Variants in ARHGAP12 observed in about 807,000 individuals in gnomAD.
The protein encoded by ARHGAP12 is rho GTPase-activating protein 12.
In ARHGAP12, 64 loss-of-function variants were observed where a neutral mutation model predicts 108.6. That is an observed-to-expected ratio of 0.59 (90% confidence interval 0.48 to 0.73). The LOEUF (loss-of-function observed/expected upper bound fraction) is 0.73. ARHGAP12 is among the 30% of genes least tolerant of loss of function. The probability of loss-of-function intolerance (pLI) is 0.00; values close to 1 mark genes in which losing one functional copy is unlikely to be tolerated. For missense variants in ARHGAP12, 940 were observed against 1,005.9 expected (o/e 0.93, Z 0.89); for synonymous variants, 312 against 337.2 (o/e 0.93, Z 0.82).
chr10:31,855,270 C>T (rs1419484522), intron 4 of ARHGAP12, among the ~76,000 whole-genome samples: 1 of 152,084 alleles, frequency 6.6e-6, no homozygotes, highest in Non-Finnish European at 1.5e-5. Flanking sequence ...ACAAGAGGCA[C>T]CATAATATGA....
intron 1 of ARHGAP12, among the ~76,000 whole-genome samples, chr10:31,923,723 T>C (rs936444974): frequency 5.9e-5 from 9 of 152,204 alleles, no homozygotes; most frequent in South Asian, 4.2e-4. Flanking sequence ...TTCTAGAAAA[T>C]TGATTTCCTA....
chr10:31,839,780 T>C (rs1400602220), intron 7 of ARHGAP12, 69 bp from the exon 8 acceptor site: 5 of 1,279,732 alleles, frequency 3.9e-6, no homozygotes, highest in Middle Eastern at 2.7e-4. Flanking sequence ...CTACTCACAG[T>C]GGGAGAGCTT....
intron 1 of ARHGAP12, among the ~76,000 whole-genome samples, chr10:31,914,936 A>T (rs975562627): frequency 6.6e-6 from 1 of 152,222 alleles, no homozygotes; most frequent in Non-Finnish European, 1.5e-5. Context: ...ACATACACAC[A>T]ACAGGATACT....
At chr10:31,815,480 T>A in intron 13 of ARHGAP12, among the ~76,000 whole-genome samples, 2 of 152,110 alleles carry the variant, frequency 1.3e-5, no homozygotes, top group African/African-American at 4.8e-5. Flanking sequence ...TGAATATGAC[T>A]TTTTAAAGAC....
In ARHGAP12 at chr10:31,898,278, G is replaced by A. The variant is rs952937160; in HGVS notation, c.684+9894C>T. Reference sequence around the variant, plus strand: ...GAATTTGAATAAATATGTCTCCAAGGAAAATATATAAATAGCAAATGAACA... The same window carrying A: ...GAATTTGAATAAATATGTCTCCAAGAAAAATATATAAATAGCAAATGAACA... On this transcript the variant is annotated intron_variant, in intron 3 of 19. Transcript: ENST00000344936. Among the ~76,000 whole-genome samples, 45 of 152,182 alleles carry A rather than the reference G, an allele frequency of 3.0e-4. 1 individual carries two copies. The highest frequency in any genetic ancestry group is 3.4e-3 in the Middle Eastern group (1 of 294).
intron 15 of ARHGAP12, 22 bp downstream of exon 15, chr10:31,812,685 C>A (rs372696108): frequency 3.5e-6 from 5 of 1,443,186 alleles, no homozygotes; most frequent in Non-Finnish European, 4.8e-6. Flanking sequence ...TCATTATTAT[C>A]AACAATACTT....
At chr10:31,904,515 C>T (rs1481059487) in intron 3 of ARHGAP12, among the ~76,000 whole-genome samples, 2 of 152,182 alleles carry the variant, frequency 1.3e-5, no homozygotes, top group African/African-American at 2.4e-5. Context: ...GATGGAAATG[C>T]TCAGCATATT....
intron 1 of ARHGAP12, among the ~76,000 whole-genome samples, chr10:31,922,382 A>G (rs1370308696): frequency 6.6e-6 from 1 of 151,382 alleles, no homozygotes; most frequent in Admixed American, 6.6e-5. Flanking sequence ...CAAACTCAAC[A>G]ATCCACATGA....
chr10:31,842,327 T>C (rs1414956819), intron 7 of ARHGAP12, among the ~76,000 whole-genome samples: 3 of 152,056 alleles, frequency 2.0e-5, no homozygotes, highest in Admixed American at 1.3e-4. Context: ...TAGAAATCTC[T>C]AGGTATTTTT....
intron 5 of ARHGAP12, among the ~76,000 whole-genome samples, chr10:31,853,305 T>C (rs1448776443): frequency 6.6e-6 from 1 of 152,196 alleles, no homozygotes; most frequent in Non-Finnish European, 1.5e-5. Context: ...TAAAGGCTCA[T>C]TTCATGCAAA....
intron 9 of ARHGAP12, among the ~76,000 whole-genome samples, chr10:31,837,382 G>A (rs1836068653): frequency 6.6e-6 from 1 of 152,190 alleles, no homozygotes; most frequent in African/African-American, 2.4e-5. Flanking sequence ...CAAAAGATAA[G>A]TAGATGCATG....
chr10:31,911,512 C>T (rs1394349097), intron 1 of ARHGAP12, among the ~76,000 whole-genome samples: 1 of 152,086 alleles, frequency 6.6e-6, no homozygotes, highest in African/African-American at 2.4e-5. Flanking sequence ...TGAGGTTCCA[C>T]CATGTTGCCC....
intron 3 of ARHGAP12, among the ~76,000 whole-genome samples, chr10:31,907,065 G>A (rs1333739275): frequency 5.3e-5 from 8 of 151,982 alleles, no homozygotes; most frequent in Non-Finnish European, 7.4e-5. Context: ...ATTCCAAAAT[G>A]TCACAAGAAA....
At chr10:31,861,111 G>A (rs967190142) in intron 4 of ARHGAP12, among the ~76,000 whole-genome samples, 1 of 152,152 alleles carries the variant, frequency 6.6e-6, no homozygotes, top group Non-Finnish European at 1.5e-5. Context: ...AGTAACAACT[G>A]AAATAGTATG....
Position 31,907,028 on chromosome 10 carries a change from C to T in ARHGAP12, c.684+1144G>A, listed in dbSNP as rs560158331. Among the ~76,000 whole-genome samples the T allele has an allele frequency of 2.0e-5, 3 of 152,270 alleles. No homozygotes were observed. The South Asian group carries it at 6.2e-4, about 32-fold the overall frequency. On this transcript the variant is annotated intron_variant, in intron 3 of 19. Transcript: ENST00000344936. ...TTGATCTCAAACACTAGAAGTTTTTCTAAAGTCTTCCCTTTTTCCTATTTC... is the reference window on the plus strand; with the variant it reads ...TTGATCTCAAACACTAGAAGTTTTTTTAAAGTCTTCCCTTTTTCCTATTTC...
chr10:31,837,336 T>C (rs933388595), intron 9 of ARHGAP12, among the ~76,000 whole-genome samples: 1 of 152,228 alleles, frequency 6.6e-6, no homozygotes, highest in Admixed American at 6.5e-5. Context: ...TTTATCGTTA[T>C]GTAATGTTTA....
intron 12 of ARHGAP12, among the ~76,000 whole-genome samples, chr10:31,818,253 A>G (rs1835281349): frequency 6.6e-6 from 1 of 152,220 alleles, no homozygotes; most frequent in South Asian, 2.1e-4. Context: ...AATAAAATCT[A>G]TGACATTTTT....
intron 3 of ARHGAP12, among the ~76,000 whole-genome samples, chr10:31,898,233 G>A (rs143566479): frequency 1.1e-4 from 16 of 152,116 alleles, no homozygotes; most frequent in Middle Eastern, 3.4e-3. Flanking sequence ...ATAAGGCAAC[G>A]CAACTTAAAA....
rs1477118666 is a variant in ARHGAP12, at chr10:31,908,802, C to T, written c.54G>A (p.Glu18=). 3 of 1,608,476 alleles carry T rather than the reference C, an allele frequency of 1.9e-6. No homozygotes were observed. The highest frequency in any genetic ancestry group is 1.1e-5 in the South Asian group (1 of 90,980). The change falls in exon 3 of 20, where the codon GAG becomes GAA. Residue 18 remains glutamate (E), a synonymous_variant. Transcript: ENST00000344936. ...CTTCATATTCATAATCATATTCCAC[C>T]TCAATATACACTTGTCCTGGAATAA... ...GKIIPGQVYI[E]VEYDYEYEAK...
Sources: gnomAD v4.1 joint callset for allele counts (sites outside exome capture counted in the v4.1 genomes callset) on GRCh38, gnomAD v4.1.1 for gene constraint, MANE v1.5 for transcripts, NCBI Gene and HGNC (gene_info 2026-07-23, HGNC 2026-07-21) for gene names.